The following SLC16A1 variants were observed in gnomAD, a reference collection of about 807,000 sequenced individuals.
The protein encoded by SLC16A1 is solute carrier family 16 member 1, also known as monocarboxylate transporter 1.
In SLC16A1, 11 loss-of-function variants were observed where a neutral mutation model predicts 32.2. The observed-to-expected ratio is 0.34, with a 90% CI of 0.21 to 0.56. The LOEUF is 0.56. Among genes scored for constraint, SLC16A1 ranks in the 20% least tolerant of loss-of-function variants. SLC16A1 has a pLI of 0.87. For synonymous variants in SLC16A1, 231 were observed against 226.8 expected, an observed-to-expected ratio of 1.02 and a Z score of -0.17; for missense variants, 435 against 615.0, an observed-to-expected ratio of 0.71 and a Z score of 3.10.
At chr1:112,950,081 G>C (rs1215409547) in intron 1 of SLC16A1, among the ~76,000 whole-genome samples, 1 of 152,020 alleles carries the variant, frequency 6.6e-6, no homozygotes, top group Non-Finnish European at 1.5e-5. Flanking sequence ...ATACAACTAT[G>C]GTTTGTTGCC....
intron 1 of SLC16A1, among the ~76,000 whole-genome samples, chr1:112,932,203 C>G (rs1334528744): frequency 2.0e-5 from 3 of 151,796 alleles, no homozygotes; most frequent in African/African-American, 7.3e-5. Flanking sequence ...TGCATGCAGG[C>G]AAGAAAAAGA....
chr1:112,942,225 GCC>G, intron 1 of SLC16A1, among the ~76,000 whole-genome samples: 1 of 152,236 alleles, frequency 6.6e-6, no homozygotes, highest in East Asian at 1.9e-4. Context: ...GCCTACCTCA[GCC>G]TCCCAAAATG....
At chr1:112,922,878 T>C (rs148628561) in intron 2 of SLC16A1, among the ~76,000 whole-genome samples, 109 of 152,328 alleles carry the variant, frequency 7.2e-4, no homozygotes, top group Non-Finnish European at 1.1e-3. Flanking sequence ...ATCTAGATTT[T>C]AGAGTACTTG....
At chr1:112,923,246 G>A (rs1448178447) in intron 2 of SLC16A1, among the ~76,000 whole-genome samples, 2 of 132,008 alleles carry the variant, frequency 1.5e-5, no homozygotes, top group Non-Finnish European at 3.3e-5. Context: ...TTGAATCCAG[G>A]AGGTGGAGGT....
intron 1 of SLC16A1, among the ~76,000 whole-genome samples, chr1:112,943,552 T>C (rs1451636162): frequency 6.6e-6 from 1 of 151,214 alleles, no homozygotes; most frequent in East Asian, 1.9e-4. Flanking sequence ...CTTTGGGAGG[T>C]CAAGGCGGGT....
At chr1:112,944,186 C>T (rs112515210) in intron 1 of SLC16A1, among the ~76,000 whole-genome samples, 94 of 152,210 alleles carry the variant, frequency 6.2e-4, no homozygotes, top group African/African-American at 2.1e-3. Context: ...TATGGTGGCT[C>T]ACACCTGTAA....
At chr1:112,946,617 T>G (rs576730937) in intron 1 of SLC16A1, among the ~76,000 whole-genome samples, 2 of 152,212 alleles carry the variant, frequency 1.3e-5, no homozygotes, top group Non-Finnish European at 1.5e-5. Context: ...GCAGTGGCAC[T>G]ATCTCGGCTC....
At chr1:112,943,769 C>G (rs920567640) in intron 1 of SLC16A1, among the ~76,000 whole-genome samples, 5 of 126,840 alleles carry the variant, frequency 3.9e-5, no homozygotes, top group Admixed American at 2.9e-4. Context: ...GCCTGGGTGA[C>G]AGCATGAGAC....
chr1:112,930,907 C>G (rs1449204234), intron 1 of SLC16A1, among the ~76,000 whole-genome samples: 1 of 152,026 alleles, frequency 6.6e-6, no homozygotes, highest in Admixed American at 6.6e-5. Flanking sequence ...TTAGTAGAGA[C>G]GGGGTTTGGC....
At chr1:112,949,718 CAAAT>C (rs920342654) in intron 1 of SLC16A1, among the ~76,000 whole-genome samples, 1 of 151,360 alleles carries the variant, frequency 6.6e-6, no homozygotes, top group African/African-American at 2.4e-5. Flanking sequence ...TTTTCTTAAA[CAAAT>C]AGAGACAGGG....
chr1:112,935,274 G>C (rs1397961135), intron 1 of SLC16A1, among the ~76,000 whole-genome samples: 1 of 152,044 alleles, frequency 6.6e-6, no homozygotes, highest in African/African-American at 2.4e-5. Flanking sequence ...AATTAGCCAG[G>C]CATGGTGGCA....
At position 112,917,683 on chromosome 1, in the gene SLC16A1, C is replaced by A; in HGVS notation, c.723G>T (p.Glu241Asp). 6.2e-7 allele frequency: 1 copy of A among 1,614,230 alleles called. No homozygotes were observed. The highest frequency in any genetic ancestry group is 1.1e-5 in the South Asian group (1 of 91,088). The change falls in exon 4 of 5, where the codon GAG (glutamate) becomes GAT (aspartate). Residue 241 changes from glutamate (E) to aspartate (D), a missense_variant. Coordinates refer to ENST00000369626, the MANE Select transcript of SLC16A1 (RefSeq NM_003051.4). The surrounding 1 kb of genome is among the most constrained non-coding windows in gnomAD (Gnocchi z 4.1). ...TDLIGRHPKQ[E>D]KRSVFQTINQ... ...TAATTGTTTGGAAGACTGATCGTTT[C>A]TCTTGTTTAGGGTGTCTTCCAATAA...
chr1:112,917,704 A>G lies in SLC16A1; in HGVS notation c.702T>C (p.Ile234=). ...GTTTCTCTTGTTTAGGGTGTCTTCCAATAAGATCTGTATTTGCATCATGCA... is the reference window on the plus strand; with the variant it reads ...GTTTCTCTTGTTTAGGGTGTCTTCCGATAAGATCTGTATTTGCATCATGCA... ...KDLHDANTDL[I]GRHPKQEKRS... Residue 234 remains isoleucine, a synonymous_variant, in exon 4 of 5, where the codon ATT becomes ATC. Coordinates refer to ENST00000369626, the MANE Select transcript of SLC16A1 (RefSeq NM_003051.4). The surrounding 1 kb of genome is among the most constrained non-coding windows in gnomAD (Gnocchi z 4.1). The G allele has an allele frequency of 6.2e-7, 1 of 1,614,246 alleles. No homozygotes were observed. The highest frequency in any genetic ancestry group is 8.5e-7 in the Non-Finnish European group (1 of 1,180,050).
chr1:112,952,669 A>C (rs865842848), intron 1 of SLC16A1, among the ~76,000 whole-genome samples: 13 of 152,344 alleles, frequency 8.5e-5, no homozygotes, highest in African/African-American at 3.1e-4. Flanking sequence ...GAAAGTAGAT[A>C]GGGGAAGAGA....
chr1:112,934,925 C>T lies in SLC16A1; in HGVS notation c.-44-5573G>A, dbSNP rs542776218. 2.6e-5 allele frequency among the ~76,000 whole-genome samples: 4 copies of T among 152,172 alleles called. 1 individual carries two copies. Among genetic ancestry groups the T allele is most frequent in the Admixed American group, 2.0e-4 (3 of 15,280 alleles). On this transcript the variant is annotated intron_variant, in intron 1 of 4. Transcript: ENST00000369626. ...CAAGAACCAATTAACCGTGAGCAAA[C>T]GCAATGCCAATCTAACACAGTTGGA...
intron 1 of SLC16A1, among the ~76,000 whole-genome samples, chr1:112,954,086 C>T (rs1413921119): frequency 2.0e-5 from 3 of 152,296 alleles, no homozygotes; most frequent in Non-Finnish European, 4.4e-5. Context: ...ATATAAAATT[C>T]ACAACAATCT....
At chr1:112,944,433 A>C (rs1288281916) in intron 1 of SLC16A1, among the ~76,000 whole-genome samples, 1 of 152,190 alleles carries the variant, frequency 6.6e-6, no homozygotes, top group Non-Finnish European at 1.5e-5. Context: ...AACAGAGTGA[A>C]CCCGTCTCAA....
At chr1:112,945,728 C>G (rs1231744686) in intron 1 of SLC16A1, among the ~76,000 whole-genome samples, 1 of 151,180 alleles carries the variant, frequency 6.6e-6, no homozygotes. Context: ...TGCGGTGGCT[C>G]ACACCTGTAA....
At chr1:112,929,001 A>G (rs1649031915) in intron 2 of SLC16A1, 91 bp downstream of exon 2, 5 of 911,768 alleles carry the variant, frequency 5.5e-6, no homozygotes, top group East Asian at 2.6e-5. Flanking sequence ...ATCTCACTGA[A>G]TAAGACTTTT....
Sources: allele counts gnomAD v4.1 joint callset (sites outside exome capture counted in the v4.1 genomes callset), GRCh38; gene constraint gnomAD v4.1.1; non-coding constraint Gnocchi (gnomAD v3.1); transcripts MANE v1.5; gene names NCBI Gene and HGNC (gene_info 2026-07-23, HGNC 2026-07-21).